The following HDHD2 variants were observed in gnomAD, a reference collection of about 807,000 sequenced individuals.
The protein encoded by HDHD2 is haloacid dehalogenase like hydrolase domain containing 2.
HDHD2 carries 26 observed loss-of-function variants against 24.8 expected under a neutral mutation model. The ratio of observed to expected loss-of-function variants is 1.05; its 90% CI spans 0.77 to 1.45. HDHD2 has a LOEUF of 1.45. Among genes scored for constraint, HDHD2 ranks in the 40% most tolerant of loss-of-function variants. HDHD2 has a pLI of 0.00. For synonymous variants in HDHD2, 128 were observed against 114.9 expected, an observed-to-expected ratio of 1.11 and a Z score of -0.73; for missense variants, 299 against 313.4, an observed-to-expected ratio of 0.95 and a Z score of 0.35.
chr18:47,131,857 A>G (rs1699344038), intron 3 of HDHD2, among the ~76,000 whole-genome samples: 1 of 152,220 alleles, frequency 6.6e-6, no homozygotes, highest in South Asian at 2.1e-4. Flanking sequence ...GAACAGGTCA[A>G]AATACTGTAC....
chr18:47,109,793 C>A, intron 6 of HDHD2: 1 of 193,434 alleles, frequency 5.2e-6, no homozygotes, highest in Non-Finnish European at 9.5e-6. Flanking sequence ...ACATTTACAA[C>A]AATTTGTAAT....
At chr18:47,130,801 C>T (rs1304236132) in intron 3 of HDHD2, among the ~76,000 whole-genome samples, 2 of 152,168 alleles carry the variant, frequency 1.3e-5, no homozygotes, top group Non-Finnish European at 2.9e-5. Context: ...TTAACACATT[C>T]ATGATTAATA....
chr18:47,112,489 T>C (rs1207232017), intron 6 of HDHD2, among the ~76,000 whole-genome samples: 1 of 152,230 alleles, frequency 6.6e-6, no homozygotes, highest in Non-Finnish European at 1.5e-5. Flanking sequence ...AAATACTTCT[T>C]AACCTTTTGC....
At chr18:47,139,281 A>AC (rs2063797225) in intron 1 of HDHD2, among the ~76,000 whole-genome samples, 1 of 148,086 alleles carries the variant, frequency 6.8e-6, no homozygotes, top group East Asian at 2.0e-4. Context: ...ACATGGTGAA[A>AC]CCCCATCTCT....
intron 1 of HDHD2, among the ~76,000 whole-genome samples, chr18:47,148,570 C>T (rs2063897211): frequency 6.6e-6 from 1 of 152,168 alleles, no homozygotes; most frequent in South Asian, 2.1e-4. Flanking sequence ...CTTCAGAGGA[C>T]ATCTGGGCTT....
intron 5 of HDHD2, among the ~76,000 whole-genome samples, chr18:47,114,865 T>A (rs943524265): frequency 6.6e-6 from 1 of 151,306 alleles, no homozygotes; most frequent in Non-Finnish European, 1.5e-5. Context: ...ATATATATTA[T>A]AGGAGTTAAC....
chr18:47,109,861 C>T (rs1568040630), intron 6 of HDHD2: 1 of 397,786 alleles, frequency 2.5e-6, no homozygotes, highest in African/African-American at 2.2e-5. Flanking sequence ...TTATTTGAGA[C>T]AGGGGCTATA....
intron 6 of HDHD2, chr18:47,110,508 G>A: frequency 5.1e-6 from 5 of 985,158 alleles, no homozygotes; most frequent in Non-Finnish European, 6.0e-6. Context: ...AGTGGTCTAA[G>A]AGACAAATAA....
At chr18:47,111,918 G>C (rs1293832965) in intron 6 of HDHD2, 1 of 479,656 alleles carries the variant, frequency 2.1e-6, no homozygotes, top group Non-Finnish European at 2.7e-6. Context: ...TCTGTAAACA[G>C]CCAATTAAAT....
intron 1 of HDHD2, among the ~76,000 whole-genome samples, chr18:47,144,683 T>C (rs924207440): frequency 2.6e-5 from 4 of 151,596 alleles, no homozygotes; most frequent in African/African-American, 9.7e-5. Flanking sequence ...CCTGTAGTCC[T>C]AGCTACTTGG....
At chr18:47,117,156 T>G (rs2063564145) in intron 4 of HDHD2, among the ~76,000 whole-genome samples, 1 of 152,216 alleles carries the variant, frequency 6.6e-6, no homozygotes, top group Non-Finnish European at 1.5e-5. Flanking sequence ...AGGACACAGA[T>G]TAAAAGATCT....
At chr18:47,149,309 T>C (rs146917677) in intron 1 of HDHD2, among the ~76,000 whole-genome samples, 1,630 of 152,276 alleles carry the variant, frequency 0.011, 17 homozygotes, top group Middle Eastern at 0.068. Context: ...CCTTGGGAAA[T>C]TGGGGCGCTA....
intron 6 of HDHD2, chr18:47,110,527 C>T: frequency 3.0e-6 from 3 of 985,294 alleles, no homozygotes; most frequent in Non-Finnish European, 3.6e-6. Context: ...AAATAAGCTT[C>T]CTAGCCATGG....
chr18:47,143,004 T>C (rs2063833976), intron 1 of HDHD2, among the ~76,000 whole-genome samples: 1 of 152,190 alleles, frequency 6.6e-6, no homozygotes, highest in East Asian at 1.9e-4. Flanking sequence ...CACACAAATA[T>C]TAAATAGATC....
chr18:47,147,494 T>C (rs1218336780), intron 1 of HDHD2, among the ~76,000 whole-genome samples: 1 of 152,132 alleles, frequency 6.6e-6, no homozygotes, highest in Non-Finnish European at 1.5e-5. Flanking sequence ...TACAAAAGAA[T>C]GGACCAAAAA....
At chr18:47,137,132 C>T (rs765880065) in intron 1 of HDHD2, 99 of 728,628 alleles carry the variant, frequency 1.4e-4, no homozygotes, top group Non-Finnish European at 2.1e-4. Flanking sequence ...GAGGCATACA[C>T]CACTTGGTAA....
In HDHD2 at chr18:47,108,748, T is replaced by C. The variant is rs1245782600; in HGVS notation, c.714A>G (p.Pro238=). Residue 238 remains proline (P), a synonymous_variant, in exon 7 of 7, where the codon CCA becomes CCG. Transcript: ENST00000300605. The part of the protein sequence containing the change: ...YRASDEEKIN[P]PPYLTCESFP... ...AACTCTCACAAGTTAAGTAAGGAGGTGGATTAATTTTTTCTTCATCTGATG... is the reference window on the plus strand; with the variant it reads ...AACTCTCACAAGTTAAGTAAGGAGGCGGATTAATTTTTTCTTCATCTGATG... The C allele has an allele frequency of 1.2e-6, 2 of 1,611,254 alleles. No individual in the cohort carries two copies. Among genetic ancestry groups the C allele is most frequent in the South Asian group, 2.2e-5 (2 of 90,802 alleles).
chr18:47,136,549 C>G (rs1488108310), intron 1 of HDHD2, 100 bp from the exon 2 acceptor site: 5 of 949,852 alleles, frequency 5.3e-6, no homozygotes, highest in Non-Finnish European at 7.6e-6. Flanking sequence ...CAGAAAGATC[C>G]TGCTTAGTGT....
chr18:47,133,842 A>C (rs1046265159), intron 3 of HDHD2, among the ~76,000 whole-genome samples: 1 of 151,898 alleles, frequency 6.6e-6, no homozygotes, highest in Non-Finnish European at 1.5e-5. Context: ...TTTCTTGTAA[A>C]TTTGTTTGAG....
Sources: gnomAD v4.1 joint callset for allele counts (sites outside exome capture counted in the v4.1 genomes callset) on GRCh38, gnomAD v4.1.1 for gene constraint, MANE v1.5 for transcripts, NCBI Gene and HGNC (gene_info 2026-07-23, HGNC 2026-07-21) for gene names.